The following B3GALT1 variants were observed in gnomAD, a reference collection of about 807,000 sequenced individuals.
B3GALT1 encodes the protein beta-1,3-galactosyltransferase 1, also known as UDP-Gal:betaGlcNAc beta 1,3-galactosyltransferase, polypeptide 1.
In B3GALT1, 10 loss-of-function variants were observed where a neutral mutation model predicts 23.2. The observed-to-expected ratio is 0.43, with a 90% CI of 0.27 to 0.73. The LOEUF is 0.73. Among genes scored for constraint, B3GALT1 ranks in the 30% least tolerant of loss-of-function variants. The pLI, the probability that B3GALT1 is intolerant of heterozygous loss-of-function variation, is 0.21. For missense variants in B3GALT1, 299 were observed against 405.4 expected (o/e 0.74, Z 2.25); for synonymous variants, 156 against 141.5 (o/e 1.10, Z -0.73).
intron 3 of B3GALT1, among the ~76,000 whole-genome samples, chr2:167,681,689 C>A (rs920613226): frequency 6.6e-5 from 10 of 152,300 alleles, no homozygotes; most frequent in Middle Eastern, 3.4e-3. Flanking sequence ...ATCAGTATCA[C>A]AATTAATTAA....
At chr2:167,408,334 G>C (rs779002611) in intron 1 of B3GALT1, among the ~76,000 whole-genome samples, 1 of 152,014 alleles carries the variant, frequency 6.6e-6, no homozygotes. Flanking sequence ...ATTACAAAAA[G>C]CCTCATCAAA....
At chr2:167,503,840 T>G (rs1459043197) in intron 2 of B3GALT1, among the ~76,000 whole-genome samples, 1 of 152,226 alleles carries the variant, frequency 6.6e-6, no homozygotes, top group Non-Finnish European at 1.5e-5. Context: ...TTCATTGTAT[T>G]AAAATTTCAA....
chr2:167,819,123 A>ATACT (rs2105362792), intron 4 of B3GALT1, among the ~76,000 whole-genome samples: 1 of 152,332 alleles, frequency 6.6e-6, no homozygotes, highest in East Asian at 1.9e-4. Context: ...TAAAAAATTC[A>ATACT]TACTTACAAG....
chr2:167,395,219 A>G (rs1259833158), intron 1 of B3GALT1, among the ~76,000 whole-genome samples: 2 of 152,126 alleles, frequency 1.3e-5, no homozygotes, highest in African/African-American at 2.4e-5. Context: ...AGACATGTTC[A>G]TGTTCTAGAT....
intron 4 of B3GALT1, among the ~76,000 whole-genome samples, chr2:167,827,796 T>G (rs1396449329): frequency 6.6e-6 from 1 of 152,202 alleles, no homozygotes; most frequent in African/African-American, 2.4e-5. Context: ...AGTGGTTTGT[T>G]GGGGTTGAGA....
intron 3 of B3GALT1, among the ~76,000 whole-genome samples, chr2:167,647,349 A>C (rs1307626009): frequency 6.8e-6 from 1 of 146,002 alleles, no homozygotes; most frequent in Admixed American, 6.7e-5. Flanking sequence ...CCTGAGGGGT[A>C]TACTTCCCTC....
rs1690388761 is a variant in B3GALT1 at position 167,873,452 on chromosome 2, A to C, written c.*3432A>C. On this transcript the variant is annotated 3_prime_UTR_variant, in exon 5 of 5. Transcript: ENST00000392690. ...GGGGAAAATAAACTATTTACAGAGG[A>C]GCCAAGGAAGAAGTTTTTCGATCAA... The C allele has an allele frequency of 6.6e-6, 1 of 152,194 alleles. No homozygotes were observed. Among genetic ancestry groups the C allele is most frequent in the South Asian group, 2.1e-4 (1 of 4,834 alleles). 9.4% of individuals were successfully genotyped at this position (152,194 alleles called of 1,614,324 possible). A position where few individuals can be genotyped will look rare whatever the true frequency, so the allele number is the denominator to read the frequency against.
intron 2 of B3GALT1, among the ~76,000 whole-genome samples, chr2:167,533,176 A>G (rs1038467547): frequency 3.9e-5 from 6 of 151,944 alleles, no homozygotes; most frequent in African/African-American, 1.4e-4. Flanking sequence ...ATCTTTTTCC[A>G]TGTAAATGCC....
At chr2:167,526,499 A>G (rs1354722849) in intron 2 of B3GALT1, among the ~76,000 whole-genome samples, 2 of 152,210 alleles carry the variant, frequency 1.3e-5, no homozygotes, top group African/African-American at 2.4e-5. Context: ...CAAACTCAGT[A>G]AATAGAAGTT....
At chr2:167,709,433 G>A (rs539473005) in intron 3 of B3GALT1, among the ~76,000 whole-genome samples, 1 of 152,194 alleles carries the variant, frequency 6.6e-6, no homozygotes, top group African/African-American at 2.4e-5. Flanking sequence ...AAATCCACAG[G>A]TGTAGCATAA....
At chr2:167,488,566 T>C (rs555473959) in intron 1 of B3GALT1, among the ~76,000 whole-genome samples, 64 of 152,352 alleles carry the variant, frequency 4.2e-4, no homozygotes, top group Admixed American at 4.1e-3. Context: ...TTGAGAAGCC[T>C]CGGTCCTATT....
intron 2 of B3GALT1, among the ~76,000 whole-genome samples, chr2:167,583,805 A>G (rs1558915007): frequency 6.6e-6 from 1 of 152,098 alleles, no homozygotes; most frequent in Non-Finnish European, 1.5e-5. Context: ...CCCCATGAAT[A>G]TTTTCTGACT....
At chr2:167,540,941 A>G (rs1051691621) in intron 2 of B3GALT1, among the ~76,000 whole-genome samples, 1 of 152,044 alleles carries the variant, frequency 6.6e-6, no homozygotes, top group South Asian at 2.1e-4. Context: ...CATATAAATC[A>G]ATCATTAAAA....
At chr2:167,628,899 G>A (rs1001436423) in intron 2 of B3GALT1, among the ~76,000 whole-genome samples, 1 of 151,658 alleles carries the variant, frequency 6.6e-6, no homozygotes, top group African/African-American at 2.4e-5. Flanking sequence ...ATTTATTAGT[G>A]TGGGAAATTT....
intron 3 of B3GALT1, among the ~76,000 whole-genome samples, chr2:167,711,850 C>G (rs1028048603): frequency 6.6e-6 from 1 of 152,094 alleles, no homozygotes; most frequent in African/African-American, 2.4e-5. Flanking sequence ...CACCTGTGGT[C>G]TCAGCTACTT....
intron 2 of B3GALT1, among the ~76,000 whole-genome samples, chr2:167,517,814 T>C (rs577522996): frequency 6.6e-6 from 1 of 152,238 alleles, no homozygotes; most frequent in Admixed American, 6.5e-5. Context: ...TGGAGTTGTA[T>C]GAGCAACACA....
At chr2:167,867,012 C>T (rs180802802) in intron 4 of B3GALT1, among the ~76,000 whole-genome samples, 2 of 152,126 alleles carry the variant, frequency 1.3e-5, no homozygotes, top group East Asian at 1.9e-4. Context: ...CTGCAAGCTC[C>T]ACCTCCTGGA....
At chr2:167,447,029 G>T (rs1699008720) in intron 1 of B3GALT1, among the ~76,000 whole-genome samples, 1 of 152,194 alleles carries the variant, frequency 6.6e-6, no homozygotes, top group East Asian at 1.9e-4. Flanking sequence ...GTGAGGTACA[G>T]ATGGGATTGT....
chr2:167,307,288 C>A (rs1462122648), intron 1 of B3GALT1, among the ~76,000 whole-genome samples: 1 of 151,970 alleles, frequency 6.6e-6, no homozygotes, highest in African/African-American at 2.4e-5. Flanking sequence ...GTAACATTAT[C>A]TCTCTTTATT....
Sources: allele counts gnomAD v4.1 joint callset (sites outside exome capture counted in the v4.1 genomes callset), GRCh38; gene constraint gnomAD v4.1.1; transcripts MANE v1.5; gene names NCBI Gene and HGNC (gene_info 2026-07-23, HGNC 2026-07-21).